The following SPTLC3 variants were observed in gnomAD, a reference collection of about 807,000 sequenced individuals.
SPTLC3 encodes the protein serine palmitoyltransferase long chain base subunit 3.
SPTLC3 carries 36 observed loss-of-function variants against 59.3 expected under a neutral mutation model. That is an observed-to-expected ratio of 0.61 (90% CI 0.47 to 0.80). The LOEUF (loss-of-function observed/expected upper bound fraction) is 0.80. SPTLC3 is among the 30% of genes least tolerant of loss of function. The pLI, the probability that SPTLC3 is intolerant of heterozygous loss-of-function variation, is 0.00. For missense variants in SPTLC3, 625 were observed against 685.1 expected, an observed-to-expected ratio of 0.91 and a Z score of 0.98; for synonymous variants, 257 against 240.8, an observed-to-expected ratio of 1.07 and a Z score of -0.62.
At chr20:13,034,846 G>A (rs745950825) in intron 1 of SPTLC3, among the ~76,000 whole-genome samples, 2 of 152,134 alleles carry the variant, frequency 1.3e-5, no homozygotes, top group Non-Finnish European at 2.9e-5. Flanking sequence ...AGAAAGAGTT[G>A]TCTAGCACCT....
At chr20:13,066,167 T>C (rs926015175) in intron 2 of SPTLC3, among the ~76,000 whole-genome samples, 1 of 56,352 alleles carries the variant, frequency 1.8e-5, no homozygotes, top group Non-Finnish European at 4.4e-5. Flanking sequence ...TATGCAGTAG[T>C]GTTTCTTTCT....
At chr20:13,086,280 C>T (rs903389910) in intron 4 of SPTLC3, among the ~76,000 whole-genome samples, 4 of 152,318 alleles carry the variant, frequency 2.6e-5, no homozygotes, top group African/African-American at 7.2e-5. Flanking sequence ...TACTTTATTT[C>T]CCCAAGCTCT....
At chr20:13,037,601 T>C (rs1235538885) in intron 1 of SPTLC3, among the ~76,000 whole-genome samples, 1 of 152,190 alleles carries the variant, frequency 6.6e-6, no homozygotes, top group African/African-American at 2.4e-5. Flanking sequence ...TGCTCCTATA[T>C]AACTATGAAT....
intron 9 of SPTLC3, among the ~76,000 whole-genome samples, chr20:13,152,637 A>C (rs530758029): frequency 2.0e-5 from 3 of 152,216 alleles, no homozygotes; most frequent in Non-Finnish European, 4.4e-5. Context: ...GAAAGACTCA[A>C]ATAGTCCCTA....
At chr20:13,052,639 T>C (rs1987545029) in intron 2 of SPTLC3, among the ~76,000 whole-genome samples, 1 of 152,182 alleles carries the variant, frequency 6.6e-6, no homozygotes, top group Non-Finnish European at 1.5e-5. Context: ...TAAGATCCAC[T>C]GGCTTGAAAT....
chr20:13,080,381 G>A (rs1459731431), intron 4 of SPTLC3, among the ~76,000 whole-genome samples: 6 of 151,820 alleles, frequency 4.0e-5, no homozygotes, highest in African/African-American at 9.7e-5. Flanking sequence ...GGTGGCATGC[G>A]CCTGTACTCC....
intron 4 of SPTLC3, 122 bp downstream of exon 4, chr20:13,074,619 G>GA (rs150837910): frequency 0.27 from 286,904 of 1,077,666 alleles, 39,391 homozygotes; most frequent in Middle Eastern, 0.33. Flanking sequence ...ACTGCAGAAA[G>GA]AAAAAAAAGA....
intron 9 of SPTLC3, among the ~76,000 whole-genome samples, chr20:13,134,435 G>A (rs546858007): frequency 2.7e-4 from 41 of 152,140 alleles, no homozygotes; most frequent in Middle Eastern, 3.2e-3. Flanking sequence ...AAGTTCCCCC[G>A]CATGTCCCCA....
intron 9 of SPTLC3, 86 bp from the exon 10 acceptor site, chr20:13,153,917 A>G (rs999635672): frequency 6.5e-7 from 1 of 1,549,894 alleles, no homozygotes; most frequent in African/African-American, 1.4e-5. Context: ...CTGCAGAAAG[A>G]CTTAAAGATG....
rs543018853 is a variant in SPTLC3, at chr20:13,042,973, A to G, written c.118-5972A>G. On this transcript the variant is annotated intron_variant, in intron 1 of 11. Coordinates refer to ENST00000399002, the MANE Select transcript of SPTLC3 (RefSeq NM_018327.4). ...CCAGCAGGGAAATAGTCTACCTTCC[A>G]TAGATTTTTAACCAGGCTCCTATGT... Among the ~76,000 whole-genome samples the G allele has an allele frequency of 3.7e-3, 558 of 152,324 alleles. 4 individuals carry two copies. Among genetic ancestry groups the G allele is most frequent in the Non-Finnish European group, 4.7e-3 (319 of 68,028 alleles).
intron 2 of SPTLC3, chr20:13,050,647 G>A (rs1254409530): frequency 6.6e-6 from 1 of 152,098 alleles, no homozygotes; most frequent in Non-Finnish European, 1.5e-5. Flanking sequence ...GTTATCCAAA[G>A]GAAACCATTT....
At chr20:13,121,140 G>C (rs2122763220) in intron 8 of SPTLC3, among the ~76,000 whole-genome samples, 1 of 152,316 alleles carries the variant, frequency 6.6e-6, no homozygotes, top group South Asian at 2.1e-4. Flanking sequence ...CCCAGGCAAG[G>C]ATCTTGAGTC....
chr20:13,073,986 A>C, intron 3 of SPTLC3: 1 of 606,418 alleles, frequency 1.6e-6, no homozygotes, highest in Non-Finnish European at 3.2e-6. Flanking sequence ...TATCCTGATG[A>C]CCAATGAATA....
Position 13,126,662 on chromosome 20 carries a change from A to G in SPTLC3, c.1224A>G (p.Ala408=). 10 of 1,614,070 alleles carry G rather than the reference A, an allele frequency of 6.2e-6. No homozygotes were observed. Among genetic ancestry groups the G allele is most frequent in the Non-Finnish European group, 8.5e-6 (10 of 1,179,954 alleles). The change falls in exon 9 of 12, where the codon GCA becomes GCG. Residue 408 remains alanine, a synonymous_variant. Coordinates refer to ENST00000399002, the MANE Select transcript of SPTLC3 (RefSeq NM_018327.4). ...VYASSMSPPI[A]EQIIRSLKLI... is the part of the protein sequence containing the mutation. ...CTTCATCCATGAGCCCACCGATAGC[A>G]GAGCAAATCATCAGATCACTAAAAC...
intron 11 of SPTLC3, among the ~76,000 whole-genome samples, chr20:13,163,300 G>A (rs188410745): frequency 2.2e-4 from 33 of 150,684 alleles, no homozygotes; most frequent in African/African-American, 5.6e-4. Context: ...CCCGGGAGGC[G>A]GAGGTTGCAG....
At chr20:13,076,835 G>A (rs573564203) in intron 4 of SPTLC3, among the ~76,000 whole-genome samples, 9 of 152,290 alleles carry the variant, frequency 5.9e-5, no homozygotes, top group African/African-American at 2.2e-4. Flanking sequence ...GGGAGGTCAT[G>A]TCAGTAGAAG....
chr20:13,038,615 T>C (rs1418838656), intron 1 of SPTLC3, among the ~76,000 whole-genome samples: 1 of 152,168 alleles, frequency 6.6e-6, no homozygotes, highest in African/African-American at 2.4e-5. Context: ...TTGATTTATT[T>C]GAAGAGCCAC....
chr20:13,068,924 C>T (rs1488928288), intron 2 of SPTLC3, among the ~76,000 whole-genome samples: 2 of 152,128 alleles, frequency 1.3e-5, no homozygotes, highest in Non-Finnish European at 2.9e-5. Flanking sequence ...GCATTTATCT[C>T]AGTGAAGAGC....
chr20:13,098,034 T>A (rs183391589), intron 6 of SPTLC3, among the ~76,000 whole-genome samples: 203 of 152,268 alleles, frequency 1.3e-3, no homozygotes, highest in African/African-American at 3.2e-3. Context: ...GGTAGACAAC[T>A]TATGACCTGT....
Sources: gnomAD v4.1 joint callset for allele counts (sites outside exome capture counted in the v4.1 genomes callset) on GRCh38, gnomAD v4.1.1 for gene constraint, MANE v1.5 for transcripts, NCBI Gene and HGNC (gene_info 2026-07-23, HGNC 2026-07-21) for gene names.